FCRL3: variants seen among roughly 807,000 people sequenced by gnomAD.
FCRL3 encodes Fc receptor like 3.
In FCRL3, 89 loss-of-function variants were observed where a neutral mutation model predicts 75.0. That is an observed-to-expected ratio of 1.19 (90% confidence interval 1.00 to 1.42). FCRL3 has a LOEUF of 1.42. Ranked by LOEUF, FCRL3 falls within the 40% of genes most tolerant of loss-of-function variation. The probability of loss-of-function intolerance (pLI) is 0.00; values close to 1 mark genes in which losing one functional copy is unlikely to be tolerated. For synonymous variants in FCRL3, 376 were observed against 348.5 expected (o/e 1.08, Z -0.88); for missense variants, 946 against 880.0 (o/e 1.07, Z -0.95).
chr1:157,700,676 TTTGTATCTCA>T lies in FCRL3; in HGVS notation c.-121_-112del. The T allele has an allele frequency of 1.3e-5, 19 of 1,458,602 alleles. No homozygotes were observed. The highest frequency in any genetic ancestry group is 1.7e-5 in the Non-Finnish European group (19 of 1,102,634). 90.4% of individuals were successfully genotyped at this position (1,458,602 alleles called of 1,614,324 possible). ...AATGTGGCTACCTTCCTAAATGCTG[TTTGTATCTCA>T]ATCCCGGTAGTGATACATTTTTAGA... is the stretch of plus-strand genomic sequence containing the variant. On this transcript the variant is annotated 5_prime_UTR_variant, in exon 1 of 15. An upstream open reading frame in the 5' UTR loses its in-frame stop. Coordinates refer to ENST00000368184, the MANE Select transcript of FCRL3 (RefSeq NM_052939.4).
At chr1:157,695,800 T>C (rs1571213965) in intron 7 of FCRL3, among the ~76,000 whole-genome samples, 193 bp from the exon 8 acceptor site, 1 of 152,116 alleles carries the variant, frequency 6.6e-6, no homozygotes, top group East Asian at 1.9e-4. Flanking sequence ...TAGTTTTGTT[T>C]TCATCACCAC....
At chr1:157,699,648 C>A in intron 3 of FCRL3, 44 bp downstream of exon 3, 1 of 1,611,402 alleles carries the variant, frequency 6.2e-7, no homozygotes, top group Non-Finnish European at 8.5e-7. Context: ...GCTGAGGGGA[C>A]CAATATCCAG....
chr1:157,696,421 G>T (rs996525883), intron 6 of FCRL3, 94 bp from the exon 7 acceptor site: 91 of 1,338,042 alleles, frequency 6.8e-5, no homozygotes, highest in Non-Finnish European at 8.8e-5. Flanking sequence ...GCCAATAGCA[G>T]CAGGTGCAGC....
In FCRL3 at chr1:157,697,866, G is replaced by A; in HGVS notation, c.352C>T (p.Leu118=). 1.2e-6 allele frequency: 2 copies of A among 1,614,062 alleles called. No homozygotes were observed. The highest frequency in any genetic ancestry group is 1.7e-6 in the Non-Finnish European group (2 of 1,180,018). Residue 118 remains leucine, a synonymous_variant, in exon 5 of 15, where the codon CTG becomes TTG. Coordinates refer to ENST00000368184, the MANE Select transcript of FCRL3 (RefSeq NM_052939.4). ...HPVFEGDNVI[L]RCQGKDNKNT... ...TTGTTGTCTTTCCCCTGACATCTCA[G>A]AATGACATTGTCTCCTTCAAAGACA...
At chr1:157,692,975 T>A (rs570408354) in intron 8 of FCRL3, among the ~76,000 whole-genome samples, 4 of 152,186 alleles carry the variant, frequency 2.6e-5, no homozygotes, top group Admixed American at 6.5e-5. Flanking sequence ...ACATGTTCGA[T>A]AGAAATTCAA....
intron 11 of FCRL3, among the ~76,000 whole-genome samples, chr1:157,682,676 C>G (rs1654924757): frequency 6.6e-6 from 1 of 152,214 alleles, no homozygotes; most frequent in South Asian, 2.1e-4. Flanking sequence ...TACACAAAGA[C>G]CTCTGCATTC....
rs777144180 is a variant in FCRL3 at position 157,700,469 on chromosome 1, C to T, written c.21G>A (p.Leu7=). 1 of 1,613,936 alleles carries T rather than the reference C, an allele frequency of 6.2e-7. No individual in the cohort carries two copies. The change falls in exon 2 of 15, where the codon CTG becomes CTA. Residue 7 remains leucine, a synonymous_variant. Transcript: ENST00000368184. ...AGCCCATCTACTCACTCAGGATCAG[C>T]AGCAGCAGCCACAGAAGCATGGGCA... MLLWLL[L]LILTPGREQS...
At chr1:157,682,235 C>A (rs559741882) in intron 11 of FCRL3, among the ~76,000 whole-genome samples, 2 of 152,058 alleles carry the variant, frequency 1.3e-5, no homozygotes, top group Non-Finnish European at 2.9e-5. Flanking sequence ...TGTGCAGAAG[C>A]TCTTTAGTTT....
At chr1:157,695,644 G>C (rs368653086) in intron 7 of FCRL3, 37 bp from the exon 8 acceptor site, 1 of 1,558,532 alleles carries the variant, frequency 6.4e-7, no homozygotes, top group Non-Finnish European at 8.7e-7. Context: ...GGATTCTGAC[G>C]TTGTGACAGA....
At chr1:157,694,713 A>C in intron 8 of FCRL3, among the ~76,000 whole-genome samples, 1 of 152,102 alleles carries the variant, frequency 6.6e-6, no homozygotes, top group African/African-American at 2.4e-5. Flanking sequence ...TGCTGAAGGA[A>C]AATTTTGTTA....
rs749582286 is a variant in FCRL3, at chr1:157,678,858, T to C, written c.2059-2A>G. Reference sequence around the variant, plus strand: ...TTCTGAATAGAGGACTGTAAGTTCCTGGTAGAAAAAAACACAAAAGGTAAG... The same window carrying C: ...TTCTGAATAGAGGACTGTAAGTTCCCGGTAGAAAAAAACACAAAAGGTAAG... On this transcript the variant is annotated splice_acceptor_variant, in intron 14 of 14. Transcript: ENST00000368184. LOFTEE classifies it high-confidence loss of function. The C allele has an allele frequency of 2.5e-6, 4 of 1,613,962 alleles. No individual in the cohort carries two copies. The highest frequency in any genetic ancestry group is 1.7e-5 in the Admixed American group (1 of 59,958).
rs1022092035 is a variant in FCRL3, at chr1:157,677,257, A to T, written c.*1453T>A. On this transcript the variant is annotated 3_prime_UTR_variant, in exon 15 of 15. Coordinates refer to ENST00000368184, the MANE Select transcript of FCRL3 (RefSeq NM_052939.4). ...TTCCATAGTGATGGAACCTAAGGGT[A>T]GCAGAGTTTATGGTGACCCTGTAGT... The T allele has an allele frequency of 8.0e-6, 8 of 1,000,090 alleles. No homozygotes were observed. The African/African-American group carries it at 1.4e-4, about 17-fold the overall frequency. The allele number at this position is 1,000,090 out of a possible 1,614,324, so 62.0% of individuals were successfully genotyped here.
chr1:157,699,606 C>T (rs546304320), intron 3 of FCRL3, 86 bp downstream of exon 3: 19 of 1,399,504 alleles, frequency 1.4e-5, no homozygotes, highest in African/African-American at 7.1e-5. Flanking sequence ...TGATGGGATG[C>T]GTGCCTGCAA....
Position 157,696,145 on chromosome 1 carries a change from G to A in FCRL3, c.1027C>T (p.Leu343=), listed in dbSNP as rs749548879. 63 of 1,613,872 alleles carry A rather than the reference G, an allele frequency of 3.9e-5. No individual in the cohort carries two copies. The highest frequency in any genetic ancestry group is 4.7e-5 in the Non-Finnish European group (56 of 1,180,022). ...RKTQRSLLAE[L]HVLTVKESDA... is the part of the protein sequence containing the mutation. ...CTCTCCTTCACGGTGAGAACATGCA[G>A]CTCTGCCAACAGGGAACGCTGGGTC... Residue 343 remains leucine (L), a synonymous_variant, in exon 7 of 15, where the codon CTG becomes TTG. Transcript: ENST00000368184.
At chr1:157,695,644 G>A (rs368653086) in intron 7 of FCRL3, 37 bp from the exon 8 acceptor site, 51 of 1,558,414 alleles carry the variant, frequency 3.3e-5, no homozygotes, top group Middle Eastern at 1.7e-4. Flanking sequence ...GGATTCTGAC[G>A]TTGTGACAGA....
At chr1:157,699,132 C>G (rs1338443446) in intron 3 of FCRL3, among the ~76,000 whole-genome samples, 1 of 152,168 alleles carries the variant, frequency 6.6e-6, no homozygotes, top group East Asian at 1.9e-4. Context: ...GGCAACTTTA[C>G]TCTCCATTTA....
chr1:157,693,160 A>G (rs1655658741), intron 8 of FCRL3, among the ~76,000 whole-genome samples: 1 of 151,104 alleles, frequency 6.6e-6, no homozygotes, highest in Admixed American at 6.6e-5. Context: ...CTGTAATCCT[A>G]GCTACTGGAG....
rs563738753 is a variant in FCRL3, at chr1:157,680,899, G to A, written c.1957+82C>T. 3.4e-5 allele frequency: 50 copies of A among 1,449,726 alleles called. No homozygotes were observed. The Middle Eastern group carries it at 7.2e-4, about 21-fold the overall frequency. The allele number at this position is 1,449,726 out of a possible 1,614,324, so 89.8% of individuals were successfully genotyped here. On this transcript the variant is annotated intron_variant, in intron 12 of 14. Transcript: ENST00000368184. ...CTAGGAATGTCATTTTTAAATTTGT[G>A]ACAGGGCCATGGGCTGTCGCTCAAT...
chr1:157,690,605 T>C, intron 8 of FCRL3, 72 bp from the exon 9 acceptor site: 2 of 1,551,926 alleles, frequency 1.3e-6, no homozygotes, highest in South Asian at 1.2e-5. Flanking sequence ...TAAAGGAATA[T>C]GCAGCATAGT....
Sources: gnomAD v4.1 joint callset for allele counts (sites outside exome capture counted in the v4.1 genomes callset) on GRCh38, gnomAD v4.1.1 for gene constraint, MANE v1.5 for transcripts, NCBI Gene and HGNC (gene_info 2026-07-23, HGNC 2026-07-21) for gene names.